PER2: variants seen among roughly 807,000 people sequenced by gnomAD.
The protein encoded by PER2 is period circadian regulator 2, also known as period circadian protein homolog 2.
Under a neutral mutation model 121.0 loss-of-function variants are expected in PER2, and 66 were observed. The observed-to-expected ratio is 0.55, with a 90% confidence interval of 0.45 to 0.67. The LOEUF is 0.67. PER2 is among the 30% of genes least tolerant of loss of function. The pLI is 0.00. For synonymous variants in PER2, 684 were observed against 659.9 expected (o/e 1.04, Z -0.56); for missense variants, 1,521 against 1,635.0 (o/e 0.93, Z 1.20).
Position 238,273,125 on chromosome 2 carries a change from G to T in PER2, c.515C>A (p.Ser172Tyr), listed in dbSNP as rs1396455783. The T allele has an allele frequency of 6.2e-7, 1 of 1,613,838 alleles. No individual in the cohort carries two copies. Among genetic ancestry groups the T allele is most frequent in the South Asian group, 1.1e-5 (1 of 91,078 alleles). ...GCTCTCCATCTCCTCCACGGTGTAGGAGGGCACGTCTGCTCCACAGGGGTG... is the reference window on the plus strand; with the variant it reads ...GCTCTCCATCTCCTCCACGGTGTAGTAGGGCACGTCTGCTCCACAGGGGTG... ...EGHPCGADVP[S>Y]YTVEEMESVT... Residue 172 changes from serine (S) to tyrosine (Y), a missense_variant, in exon 5 of 23, where the codon TCC becomes TAC. Coordinates refer to ENST00000254657, the MANE Select transcript of PER2 (RefSeq NM_022817.3).
chr2:238,269,541 CAAA>C lies in PER2; in HGVS notation c.773-570_773-568del, dbSNP rs1223465417. Among the ~76,000 whole-genome samples the C allele has an allele frequency of 4.1e-4, 58 of 140,114 alleles. 1 individual carries two copies. The highest frequency in any genetic ancestry group is 1.6e-3 in the African/African-American group (55 of 34,162). 91.9% of individuals were successfully genotyped at this position (140,114 alleles called of 152,430 possible). ...TGAACACACTCACGGTGCACTGCTG[CAAA>C]CACACCAACCTGCAACTGAACACAC... is the stretch of plus-strand genomic sequence containing the variant. On this transcript the variant is annotated intron_variant, in intron 6 of 22. Coordinates refer to ENST00000254657, the MANE Select transcript of PER2 (RefSeq NM_022817.3).
chr2:238,286,299 G>A (rs887473387), intron 1 of PER2, among the ~76,000 whole-genome samples: 2 of 152,072 alleles, frequency 1.3e-5, no homozygotes. Flanking sequence ...GGAACCCTTC[G>A]AGGCCGGTGA....
chr2:238,272,873 ACAGAAGG>A (rs1332807752), intron 5 of PER2, among the ~76,000 whole-genome samples, 190 bp downstream of exon 5: 3 of 152,232 alleles, frequency 2.0e-5, no homozygotes, highest in Non-Finnish European at 4.4e-5. Context: ...AGACAGTCTC[ACAGAAGG>A]CAGAAGTCCA....
At chr2:238,259,579 G>GC (rs1442577485) in intron 14 of PER2, among the ~76,000 whole-genome samples, 8 of 152,348 alleles carry the variant, frequency 5.3e-5, no homozygotes, top group Admixed American at 5.2e-4. Flanking sequence ...TGAAGGGTTT[G>GC]CAAGTGTAAA....
chr2:238,251,513 G>T (rs1357814774), intron 20 of PER2, 86 bp downstream of exon 20: 3 of 1,271,984 alleles, frequency 2.4e-6, no homozygotes, highest in Non-Finnish European at 3.4e-6. Flanking sequence ...TCCCTGTTCT[G>T]AGCACAGAGG....
At chr2:238,287,273 A>T (rs1696816900) in intron 1 of PER2, among the ~76,000 whole-genome samples, 1 of 152,250 alleles carries the variant, frequency 6.6e-6, no homozygotes, top group Non-Finnish European at 1.5e-5. Context: ...CCACTCAAAA[A>T]AAACGGAGTC....
At chr2:238,265,611 A>T in intron 8 of PER2, 21 bp from the exon 9 acceptor site, 1 of 1,413,208 alleles carries the variant, frequency 7.1e-7, no homozygotes, top group Non-Finnish European at 1.0e-6. Flanking sequence ...AGAATATTGC[A>T]CACATTTGTG....
At chr2:238,262,370 G>A in intron 10 of PER2, 26 bp from the exon 11 acceptor site, 1 of 1,612,336 alleles carries the variant, frequency 6.2e-7, no homozygotes, top group Non-Finnish European at 8.5e-7. Context: ...CCAGCATTCA[G>A]GGGAAAAGGG....
chr2:238,295,489 T>A, the PER2 span: 4 of 152,320 alleles, frequency 2.6e-5, no homozygotes, highest in African/African-American at 7.2e-5. Flanking sequence ...TGCCTCAGCG[T>A]CCCAAAGCTC....
chr2:238,292,938 A>G (rs2106339916), upstream of PER2, among the ~76,000 whole-genome samples: 1 of 150,990 alleles, frequency 6.6e-6, no homozygotes, highest in South Asian at 2.1e-4. Flanking sequence ...GGGTTTCATC[A>G]TGTTGGTCAG....
intron 1 of PER2, among the ~76,000 whole-genome samples, chr2:238,279,848 C>T (rs1696576769): frequency 1.3e-5 from 2 of 152,130 alleles, no homozygotes; most frequent in South Asian, 2.1e-4. Context: ...GGCTGCTTGT[C>T]GCTGAGATGG....
intron 16 of PER2, among the ~76,000 whole-genome samples, chr2:238,257,592 G>A (rs969383534): frequency 6.6e-6 from 1 of 152,204 alleles, no homozygotes. Context: ...TCCTGCCTCA[G>A]CCTCCCAAGT....
At chr2:238,256,778 T>G in intron 17 of PER2, 144 bp downstream of exon 17, 3 of 883,278 alleles carry the variant, frequency 3.4e-6, no homozygotes, top group Non-Finnish European at 5.3e-6. Flanking sequence ...CCACCCTGCA[T>G]TTTACGTAAC....
intron 22 of PER2, chr2:238,247,593 G>A (rs1038394908): frequency 1.3e-5 from 2 of 152,430 alleles, no homozygotes; most frequent in African/African-American, 4.8e-5. Flanking sequence ...TAATGCAGCA[G>A]CGGGTGGAAA....
chr2:238,291,396 A>G (rs932430364), upstream of PER2, among the ~76,000 whole-genome samples: 1 of 152,184 alleles, frequency 6.6e-6, no homozygotes, highest in African/African-American at 2.4e-5. Context: ...TCATTCACTC[A>G]TGCACCCAGC....
In PER2 at chr2:238,246,255, C is replaced by CA. The variant is rs566966877; in HGVS notation, c.*119dup. On this transcript the variant is annotated 3_prime_UTR_variant, in exon 23 of 23. Transcript: ENST00000254657. ...AACTATGTTGTTTTTTTTTCTAAAA[C>CA]AAAAAAAGCAACATGAGCATATGTG... 3.1e-6 allele frequency: 2 copies of CA among 654,324 alleles called. No individual in the cohort carries two copies. Among genetic ancestry groups the CA allele is most frequent in the Non-Finnish European group, 2.4e-6 (1 of 424,206 alleles). 40.5% of individuals were successfully genotyped at this position (654,324 alleles called of 1,614,324 possible). A position where few individuals can be genotyped will look rare whatever the true frequency, so the allele number is the denominator to read the frequency against.
At position 238,253,320 on chromosome 2, in the gene PER2, C is replaced by G. The variant is rs575531966; in HGVS notation, c.2703G>C (p.Ala901=). 2 of 1,613,448 alleles carry G rather than the reference C, an allele frequency of 1.2e-6. No individual in the cohort carries two copies. The highest frequency in any genetic ancestry group is 4.5e-5 in the East Asian group (2 of 44,860). The change falls in exon 19 of 23, where the codon GCG becomes GCC. Residue 901 remains alanine, a synonymous_variant. Transcript: ENST00000254657. The surrounding 1 kb of genome is among the most constrained non-coding windows in gnomAD (Gnocchi z 5.6). ...TGGGTAGCATGAATGCCATGACAGGCGCCAAAGGGGCAGGGAAAGGTGGGG... is the reference window on the plus strand; with the variant it reads ...TGGGTAGCATGAATGCCATGACAGGGGCCAAAGGGGCAGGGAAAGGTGGGG... ...VQPPPFPAPL[A]PVMAFMLPSY...
chr2:238,291,924 G>A (rs970904841), upstream of PER2, among the ~76,000 whole-genome samples: 1 of 152,230 alleles, frequency 6.6e-6, no homozygotes, highest in Non-Finnish European at 1.5e-5. Flanking sequence ...CTCTTTGGGA[G>A]GCCAAGGTGG....
chr2:238,250,095 G>T (rs1008145884), intron 21 of PER2, among the ~76,000 whole-genome samples: 6 of 152,224 alleles, frequency 3.9e-5, no homozygotes, highest in Admixed American at 3.9e-4. Flanking sequence ...GCCTGATGTG[G>T]ACACAGAGCC....
Sources: gnomAD v4.1 joint callset for allele counts (sites outside exome capture counted in the v4.1 genomes callset) on GRCh38, gnomAD v4.1.1 for gene constraint, Gnocchi (gnomAD v3.1) non-coding constraint, MANE v1.5 for transcripts, NCBI Gene and HGNC (gene_info 2026-07-23, HGNC 2026-07-21) for gene names.